C10orf90: variants seen among roughly 807,000 people sequenced by gnomAD.
The protein encoded by C10orf90 is (E2-independent) E3 ubiquitin-conjugating enzyme FATS.
C10orf90 carries 56 observed loss-of-function variants against 62.5 expected under a neutral mutation model. The ratio of observed to expected loss-of-function variants is 0.90; its 90% confidence interval spans 0.72 to 1.12. The LOEUF (loss-of-function observed/expected upper bound fraction) is 1.12. C10orf90 is among the 50% of genes most tolerant of loss of function. C10orf90 has a pLI of 0.00. For synonymous variants in C10orf90, 386 were observed against 340.4 expected, an observed-to-expected ratio of 1.13 and a Z score of -1.47; for missense variants, 970 against 880.4, an observed-to-expected ratio of 1.10 and a Z score of -1.29.
At chr10:126,533,291 T>C (rs1864153240) in intron 2 of C10orf90, among the ~76,000 whole-genome samples, 1 of 152,162 alleles carries the variant, frequency 6.6e-6, no homozygotes, top group Non-Finnish European at 1.5e-5. Context: ...AGTATACTTG[T>C]GGGCTTCTCT....
At chr10:126,564,416 A>G (rs923091895) in intron 2 of C10orf90, among the ~76,000 whole-genome samples, 3 of 151,894 alleles carry the variant, frequency 2.0e-5, no homozygotes, top group African/African-American at 7.3e-5. Flanking sequence ...ACACAAACCA[A>G]CAGCCAAGCC....
At chr10:126,619,070 G>A (rs1435656435) in intron 2 of C10orf90, among the ~76,000 whole-genome samples, 1 of 152,112 alleles carries the variant, frequency 6.6e-6, no homozygotes, top group African/African-American at 2.4e-5. Context: ...CAAGTACAAT[G>A]GCCATTATCC....
intron 2 of C10orf90, among the ~76,000 whole-genome samples, chr10:126,636,884 G>A (rs910596093): frequency 1.4e-4 from 22 of 152,002 alleles, no homozygotes; most frequent in African/African-American, 2.2e-4. Flanking sequence ...TCTGCACAGC[G>A]GGGACCACAA....
chr10:126,532,833 A>C (rs1864132790), intron 2 of C10orf90, among the ~76,000 whole-genome samples: 1 of 95,196 alleles, frequency 1.1e-5, no homozygotes, highest in African/African-American at 3.8e-5. Flanking sequence ...ACAGAGCGAG[A>C]CTACGTCTCA....
At chr10:126,593,736 A>G (rs139885697) in intron 2 of C10orf90, among the ~76,000 whole-genome samples, 4 of 152,278 alleles carry the variant, frequency 2.6e-5, no homozygotes, top group Non-Finnish European at 5.9e-5. Flanking sequence ...AAAATTGTTT[A>G]TTTCCTACCA....
intron 2 of C10orf90, among the ~76,000 whole-genome samples, chr10:126,565,652 C>G (rs1281890101): frequency 1.3e-5 from 2 of 151,586 alleles, no homozygotes; most frequent in African/African-American, 4.9e-5. Context: ...CTTCAAAGCT[C>G]CTTGTTGTTT....
At chr10:126,605,887 A>ACATG (rs1463880628) in intron 2 of C10orf90, among the ~76,000 whole-genome samples, 1 of 151,350 alleles carries the variant, frequency 6.6e-6, no homozygotes, top group Non-Finnish European at 1.5e-5. Context: ...ATGCATACAT[A>ACATG]CATACATACA....
chr10:126,508,071 G>A (rs185934107), intron 3 of C10orf90, among the ~76,000 whole-genome samples: 3 of 151,740 alleles, frequency 2.0e-5, no homozygotes, highest in Non-Finnish European at 4.4e-5. Context: ...GGAAACTGCA[G>A]TATAGGTCTT....
intron 2 of C10orf90, among the ~76,000 whole-genome samples, chr10:126,586,882 A>C (rs1844883472): frequency 6.6e-6 from 1 of 152,148 alleles, no homozygotes; most frequent in African/African-American, 2.4e-5. Flanking sequence ...GATCTGACTC[A>C]GTGGATGAAA....
At chr10:126,617,227 G>A (rs552179809) in intron 2 of C10orf90, among the ~76,000 whole-genome samples, 5 of 152,258 alleles carry the variant, frequency 3.3e-5, no homozygotes, top group Non-Finnish European at 5.9e-5. Flanking sequence ...CCCCAACAGA[G>A]AAAACATTTT....
At chr10:126,619,288 A>T (rs2133813361) in intron 2 of C10orf90, among the ~76,000 whole-genome samples, 1 of 152,318 alleles carries the variant, frequency 6.6e-6, no homozygotes, top group East Asian at 1.9e-4. Context: ...ACACATAGGC[A>T]CGTATTCCTG....
chr10:126,451,976 CTGAA>C, intron 7 of C10orf90, among the ~76,000 whole-genome samples: 1 of 152,200 alleles, frequency 6.6e-6, no homozygotes, highest in East Asian at 1.9e-4. Flanking sequence ...TTTAGCTAAA[CTGAA>C]TGAGTAAATT....
At chr10:126,571,933 GA>G (rs1174053134) in intron 2 of C10orf90, among the ~76,000 whole-genome samples, 1 of 152,172 alleles carries the variant, frequency 6.6e-6, no homozygotes, top group Non-Finnish European at 1.5e-5. Context: ...TGTCCTCTCA[GA>G]GGAAGTCCCT....
chr10:126,644,720 G>A (rs1846132147), intron 2 of C10orf90, among the ~76,000 whole-genome samples: 1 of 152,178 alleles, frequency 6.6e-6, no homozygotes, highest in Non-Finnish European at 1.5e-5. Context: ...GAAGTGCCCG[G>A]TCCTAAGATA....
At chr10:126,577,617 C>T (rs910394244) in intron 2 of C10orf90, among the ~76,000 whole-genome samples, 1 of 152,020 alleles carries the variant, frequency 6.6e-6, no homozygotes, top group African/African-American at 2.4e-5. Flanking sequence ...TTCATAAATT[C>T]AACAGTATTC....
intron 2 of C10orf90, among the ~76,000 whole-genome samples, chr10:126,582,974 T>C (rs1844784173): frequency 6.6e-6 from 1 of 152,216 alleles, no homozygotes; most frequent in African/African-American, 2.4e-5. Context: ...GTTGGCACTA[T>C]TGATATTTGG....
chr10:126,667,180 TC>T (rs1463474439), intron 1 of C10orf90, among the ~76,000 whole-genome samples: 3 of 151,508 alleles, frequency 2.0e-5, no homozygotes, highest in Non-Finnish European at 4.4e-5. Flanking sequence ...TGCCTCAGCC[TC>T]CCGAGTAGCT....
At chr10:126,579,344 G>C (rs935483168) in intron 2 of C10orf90, among the ~76,000 whole-genome samples, 1 of 150,120 alleles carries the variant, frequency 6.7e-6, no homozygotes. Context: ...GGGTTCAGGC[G>C]ATTCTCATGC....
At position 126,631,187 on chromosome 10, in the gene C10orf90, A is replaced by C. The variant is rs1439576154; in HGVS notation, c.313+15378T>G. Among the ~76,000 whole-genome samples, 3 of 152,072 alleles carry C rather than the reference A, an allele frequency of 2.0e-5. No individual in the cohort carries two copies. In the East Asian group the frequency reaches 5.8e-4, roughly 29 times the overall value. ...GAAGCCTGTCACTCCCTCCTTTTGT[A>C]CCTGTTAGCAGCTTCTCCTGCACCA... On this transcript the variant is annotated intron_variant, in intron 2 of 9. Coordinates refer to ENST00000488181, the MANE Select transcript of C10orf90 (RefSeq NM_001350921.2).
Sources: allele counts gnomAD v4.1 joint callset (sites outside exome capture counted in the v4.1 genomes callset), GRCh38; gene constraint gnomAD v4.1.1; transcripts MANE v1.5; gene names NCBI Gene and HGNC (gene_info 2026-07-23, HGNC 2026-07-21).